Variants in MASP1 observed in about 807,000 individuals in gnomAD.
The protein encoded by MASP1 is MBL associated serine protease 1, also known as mannan-binding lectin serine protease 1.
A neutral mutation model predicts 77.1 loss-of-function variants in MASP1; 59 were observed. The observed-to-expected ratio is 0.77, with a 90% CI of 0.62 to 0.95. The LOEUF (loss-of-function observed/expected upper bound fraction) is 0.95. MASP1 is among the 40% of genes least tolerant of loss of function. The pLI is 0.00. For synonymous variants in MASP1, 362 were observed against 354.5 expected (o/e 1.02, Z -0.24); for missense variants, 885 against 912.9 (o/e 0.97, Z 0.39).
At chr3:187,230,589 C>T (rs1179417943), downstream of MASP1, among the ~76,000 whole-genome samples, 2 of 152,192 alleles carry the variant, frequency 1.3e-5, no homozygotes, top group Non-Finnish European at 2.9e-5. Context: ...CAGAGAAGCC[C>T]TTCCTCAGGG....
At chr3:187,274,455 A>G (rs1291297268) in intron 2 of MASP1, among the ~76,000 whole-genome samples, 1 of 152,068 alleles carries the variant, frequency 6.6e-6, no homozygotes, top group Admixed American at 6.5e-5. Context: ...TTGGCTCAAT[A>G]ATTGGAATCA....
rs766752301 is a variant in MASP1 at position 187,234,430 on chromosome 3, C to G, written c.*1254G>C. On this transcript the variant is annotated 3_prime_UTR_variant, in exon 11 of 11. Transcript: ENST00000296280. ...CAGCTAGAAGGAACCTGCAGGGGAC[C>G]TTATGCCAGCCTGTTGCTGACGGAG... 8 of 1,286,660 alleles carry G rather than the reference C, an allele frequency of 6.2e-6. No homozygotes were observed. The South Asian group carries it at 9.9e-5, about 16-fold the overall frequency. 79.7% of individuals were successfully genotyped at this position (1,286,660 alleles called of 1,614,324 possible). A position where few individuals can be genotyped will look rare whatever the true frequency, so the allele number is the denominator to read the frequency against.
intron 7 of MASP1, chr3:187,251,251 T>C (rs974785050): frequency 4.2e-6 from 1 of 237,348 alleles, no homozygotes; most frequent in African/African-American, 2.3e-5. Context: ...TGAGCCACCA[T>C]GCTCAGCCCC....
downstream of MASP1, among the ~76,000 whole-genome samples, chr3:187,231,310 C>G (rs1712749555): frequency 6.6e-6 from 1 of 152,248 alleles, no homozygotes; most frequent in African/African-American, 2.4e-5. Context: ...CTCCAAAACA[C>G]AGTCAAGACT....
intron 8 of MASP1, among the ~76,000 whole-genome samples, chr3:187,248,300 T>C (rs1714272208): frequency 6.6e-6 from 1 of 152,176 alleles, no homozygotes; most frequent in Admixed American, 6.5e-5. Flanking sequence ...AACCACTTCC[T>C]AGTGAGGGGA....
rs1236366533 is a variant in MASP1 at position 187,235,426 on chromosome 3, C to A, written c.*258G>T. 1.3e-6 allele frequency: 2 copies of A among 1,494,132 alleles called. No homozygotes were observed. Among genetic ancestry groups the A allele is most frequent in the Non-Finnish European group, 1.8e-6 (2 of 1,121,802 alleles). 92.6% of individuals were successfully genotyped at this position (1,494,132 alleles called of 1,614,324 possible). A position where few individuals can be genotyped will look rare whatever the true frequency, so the allele number is the denominator to read the frequency against. On this transcript the variant is annotated 3_prime_UTR_variant, in exon 11 of 11. Transcript: ENST00000296280. ...CACAGAGGCCTTGGTTGAGCTCCTG[C>A]ATTGTATTACTCGGTAGAGTGAGGC...
At chr3:187,253,605 A>G (rs1173182903) in intron 5 of MASP1, among the ~76,000 whole-genome samples, 3 of 152,180 alleles carry the variant, frequency 2.0e-5, no homozygotes, top group African/African-American at 4.8e-5. Flanking sequence ...ATGCCCATCA[A>G]TGATAGACTG....
At chr3:187,265,182 G>A (rs753569044) in intron 2 of MASP1, among the ~76,000 whole-genome samples, 57 of 152,082 alleles carry the variant, frequency 3.7e-4, no homozygotes, top group Non-Finnish European at 6.6e-4. Flanking sequence ...TACTGCTTGC[G>A]GATGAACTTG....
Position 187,236,498 on chromosome 3 carries a change from G to A in MASP1, c.1373C>T (p.Pro458Leu), listed in dbSNP as rs1223697160. 1 of 1,614,038 alleles carries A rather than the reference G, an allele frequency of 6.2e-7. No individual in the cohort carries two copies. Among genetic ancestry groups the A allele is most frequent in the Non-Finnish European group, 8.5e-7 (1 of 1,179,986 alleles). Residue 458 changes from proline to leucine, a missense_variant, in exon 11 of 11, where the codon CCT becomes CTT. Pro to Leu is a moderately conservative substitution (Grantham distance 98, BLOSUM62 -3). Coordinates refer to ENST00000296280, the MANE Select transcript of MASP1 (RefSeq NM_139125.4). ...CAGGGCCTGCCACGGGAAGAGGCCA[G>A]GCTCAGCATTTCGGCCCCCAATGAT... is the stretch of plus-strand genomic sequence containing the variant. ...KRIIGGRNAE[P>L]GLFPWQALIV...
At chr3:187,282,241 G>T (rs3821808) in intron 2 of MASP1, among the ~76,000 whole-genome samples, 40,949 of 151,994 alleles carry the variant, frequency 0.27, 6,502 homozygotes, top group Admixed American at 0.38. Context: ...AGTGGCTCAC[G>T]TCTGTAACCC....
At chr3:187,253,097 C>T (rs2108544180) in intron 6 of MASP1, 71 bp downstream of exon 6, 7 of 1,601,928 alleles carry the variant, frequency 4.4e-6, no homozygotes, top group Middle Eastern at 4.4e-4. Context: ...CTGCACACCT[C>T]CTCCCTCAGC....
intron 8 of MASP1, chr3:187,247,531 G>A: frequency 1.1e-6 from 1 of 906,330 alleles, no homozygotes; most frequent in Non-Finnish European, 1.8e-6. Context: ...AATTGATTAA[G>A]AATGCATAGT....
At chr3:187,250,140 C>T in intron 8 of MASP1, 111 bp downstream of exon 8, 1 of 855,880 alleles carries the variant, frequency 1.2e-6, no homozygotes, top group Non-Finnish European at 2.0e-6. Flanking sequence ...ATTCCTGCTC[C>T]CATCCCCCTT....
chr3:187,251,469 A>T, intron 7 of MASP1, 165 bp downstream of exon 7: 1 of 663,978 alleles, frequency 1.5e-6, no homozygotes, highest in Admixed American at 2.3e-5. Flanking sequence ...ACCGCCTGGG[A>T]CGCATGCTTT....
In MASP1 at chr3:187,285,963, C is replaced by T. The variant is rs74784100; in HGVS notation, c.99G>A (p.Ser33=). 4.5e-5 allele frequency: 72 copies of T among 1,614,194 alleles called. 1 individual carries two copies. Among genetic ancestry groups the T allele is most frequent in the South Asian group, 1.4e-4 (13 of 91,084 alleles). ...TGGGATAGGAGTCTGGATAACCAGG[C>T]GACTGGATCTGGCCAAACATATTGT... ...ELNNMFGQIQ[S]PGYPDSYPSD... Residue 33 remains serine (S), a synonymous_variant, in exon 2 of 11, where the codon TCG becomes TCA. Coordinates refer to ENST00000296280, the MANE Select transcript of MASP1 (RefSeq NM_139125.4).
chr3:187,234,074 G>A (rs1396288878), downstream of MASP1: 2 of 1,256,216 alleles, frequency 1.6e-6, no homozygotes, highest in Non-Finnish European at 2.1e-6. Flanking sequence ...AAACCCATAA[G>A]CCAAGGCTGT....
intron 2 of MASP1, among the ~76,000 whole-genome samples, chr3:187,264,527 C>T (rs543822082): frequency 2.6e-5 from 4 of 151,912 alleles, no homozygotes; most frequent in African/African-American, 9.7e-5. Context: ...GTGAAACATG[C>T]TAACCCTTTC....
intron 8 of MASP1, chr3:187,246,239 A>G (rs1261274772): frequency 6.3e-6 from 2 of 316,558 alleles, no homozygotes; most frequent in Non-Finnish European, 9.2e-6. Flanking sequence ...TGTTTCTTTG[A>G]TGGAATATAT....
chr3:187,224,366 A>C (rs1158689244), intron 13 of MASP1, among the ~76,000 whole-genome samples: 1 of 81,868 alleles, frequency 1.2e-5, no homozygotes, highest in African/African-American at 5.4e-5. Flanking sequence ...TTTTTTTTTG[A>C]GACGGAGTCT....
Sources: allele counts gnomAD v4.1 joint callset (sites outside exome capture counted in the v4.1 genomes callset), GRCh38; gene constraint gnomAD v4.1.1; transcripts MANE v1.5; gene names NCBI Gene and HGNC (gene_info 2026-07-23, HGNC 2026-07-21).